Variants in ATOH8 observed in about 807,000 individuals in gnomAD.
The protein encoded by ATOH8 is transcription factor ATOH8.
ATOH8 carries 9 observed loss-of-function variants against 21.2 expected under a neutral mutation model. The observed-to-expected ratio is 0.42, with a 90% CI of 0.26 to 0.74. The LOEUF (loss-of-function observed/expected upper bound fraction) is 0.74, where lower values mean the gene tolerates loss of function less well. Ranked by LOEUF, ATOH8 falls within the 30% of genes least tolerant of loss-of-function variation. The pLI, the probability that ATOH8 is intolerant of heterozygous loss-of-function variation, is 0.24. For synonymous variants in ATOH8, 253 were observed against 224.0 expected (o/e 1.13, Z -1.16); for missense variants, 524 against 470.9 (o/e 1.11, Z -1.04).
Position 85,772,214 on chromosome 2 carries a change from C to T in ATOH8, c.960+8032C>T, listed in dbSNP as rs370317881. On this transcript the variant is annotated intron_variant, in intron 2 of 2. Coordinates refer to ENST00000306279, the MANE Select transcript of ATOH8 (RefSeq NM_032827.7). The stretch of plus-strand genomic sequence containing the variant: ...TTGGGCAGGGAGGTGTCATCAGCTG[C>T]GGGCACCCCCAGCTTTGTGCCGCCG... Among the ~76,000 whole-genome samples the T allele has an allele frequency of 3.3e-5, 5 of 152,230 alleles. No homozygotes were observed. In the East Asian group the frequency reaches 5.8e-4, roughly 18 times the overall value.
intron 2 of ATOH8, among the ~76,000 whole-genome samples, chr2:85,767,580 T>TCCTTCCCTCC (rs1558611972): frequency 5.0e-5 from 4 of 79,216 alleles, no homozygotes; most frequent in African/African-American, 1.6e-4. Context: ...CCCTCCCCTC[T>TCCTTCCCTCC]CCTTCCCTTC....
At chr2:85,764,318 G>A in intron 2 of ATOH8, 136 bp downstream of exon 2, 3 of 1,135,700 alleles carry the variant, frequency 2.6e-6, no homozygotes, top group East Asian at 2.6e-5. Context: ...GCTGGGAGTT[G>A]CCTCAGCTTC....
At chr2:85,759,412 T>C (rs550613012) in intron 1 of ATOH8, among the ~76,000 whole-genome samples, 4 of 152,140 alleles carry the variant, frequency 2.6e-5, no homozygotes, top group African/African-American at 9.7e-5. Flanking sequence ...TACCTGAGCC[T>C]GCTGTGGGAT....
intron 2 of ATOH8, among the ~76,000 whole-genome samples, chr2:85,784,457 G>A (rs565253763): frequency 1.2e-4 from 18 of 152,120 alleles, no homozygotes; most frequent in South Asian, 2.1e-4. Flanking sequence ...CTGGAGGATC[G>A]CTTGAGCCTA....
chr2:85,767,588 T>TGCCCTCCCCTCACTTCC (rs375412492), intron 2 of ATOH8, among the ~76,000 whole-genome samples: 1 of 122,440 alleles, frequency 8.2e-6, no homozygotes, highest in Non-Finnish European at 1.7e-5. Flanking sequence ...TCTCCTTCCC[T>TGCCCTCCCCTCACTTCC]TCCCTTCCAT....
chr2:85,757,053 C>G (rs1178982487), intron 1 of ATOH8, among the ~76,000 whole-genome samples: 3 of 152,088 alleles, frequency 2.0e-5, no homozygotes, highest in African/African-American at 2.4e-5. Context: ...CAGGCAGGTA[C>G]ACACACACAT....
chr2:85,768,258 G>A lies in ATOH8; in HGVS notation c.960+4076G>A, dbSNP rs115942697. Among the ~76,000 whole-genome samples the A allele has an allele frequency of 2.7e-3, 406 of 152,256 alleles. 2 individuals are homozygous for A. Among genetic ancestry groups the A allele is most frequent in the Middle Eastern group, 0.014 (4 of 294 alleles). On this transcript the variant is annotated intron_variant, in intron 2 of 2. Coordinates refer to ENST00000306279, the MANE Select transcript of ATOH8 (RefSeq NM_032827.7). ...CCTACCCCAATGAGCCACGCTTGCC[G>A]CTCCATGTGCTGTGGCTGTGGAAGC...
At chr2:85,758,964 G>T (rs1258831476) in intron 1 of ATOH8, among the ~76,000 whole-genome samples, 2 of 152,234 alleles carry the variant, frequency 1.3e-5, no homozygotes, top group Non-Finnish European at 2.9e-5. Context: ...TGGTGTGCGT[G>T]TGGATTTCCT....
At position 85,754,854 on chromosome 2, in the gene ATOH8, C is replaced by A. The variant is rs1235312710; in HGVS notation, c.665C>A (p.Ser222Tyr). The A allele has an allele frequency of 4.3e-6, 7 of 1,612,466 alleles. No individual in the cohort carries two copies. Among genetic ancestry groups the A allele is most frequent in the Non-Finnish European group, 5.9e-6 (7 of 1,179,908 alleles). ...KRPGEATAAS[S>Y]EIKALQQTRR... is the part of the protein sequence containing the mutation. Reference sequence around the variant, plus strand: ...CCGGGCGAAGCGACTGCCGCCTCCTCCGAGATCAAAGCCCTGCAGCAGACC... The same window carrying A: ...CCGGGCGAAGCGACTGCCGCCTCCTACGAGATCAAAGCCCTGCAGCAGACC... Residue 222 changes from serine (S) to tyrosine (Y), a missense_variant, in exon 1 of 3, where the codon TCC becomes TAC. Coordinates refer to ENST00000306279, the MANE Select transcript of ATOH8 (RefSeq NM_032827.7).
At chr2:85,784,467 A>G (rs1411778937) in intron 2 of ATOH8, among the ~76,000 whole-genome samples, 1 of 152,122 alleles carries the variant, frequency 6.6e-6, no homozygotes, top group Non-Finnish European at 1.5e-5. Flanking sequence ...GCTTGAGCCT[A>G]GAAGGTCAAG....
intron 2 of ATOH8, among the ~76,000 whole-genome samples, chr2:85,768,273 G>C (rs1289679445): frequency 2.0e-5 from 3 of 152,220 alleles, no homozygotes; most frequent in African/African-American, 7.2e-5. Context: ...ATGTGCTGTG[G>C]CTGTGGAAGC....
chr2:85,767,305 G>A (rs62147467), intron 2 of ATOH8, among the ~76,000 whole-genome samples: 45,988 of 151,848 alleles, frequency 0.3, 7,330 homozygotes, highest in East Asian at 0.45. Context: ...ATTGCACGTG[G>A]TTATGAGTTT....
chr2:85,765,525 C>T (rs4832010), intron 2 of ATOH8, among the ~76,000 whole-genome samples: 63,399 of 152,138 alleles, frequency 0.42, 14,140 homozygotes, highest in Non-Finnish European at 0.5. Context: ...GGGCAGCTTT[C>T]CTCTGGAAAG....
chr2:85,772,357 G>C lies in ATOH8; in HGVS notation c.960+8175G>C, dbSNP rs113112759. On this transcript the variant is annotated intron_variant, in intron 2 of 2. Coordinates refer to ENST00000306279, the MANE Select transcript of ATOH8 (RefSeq NM_032827.7). ...GCTGTTCTGCGAGGCGGGCCTGCTG[G>C]TGAGTCCATGGGAGCTCCGCTGGAA... is the stretch of plus-strand genomic sequence containing the variant. 6.1e-3 allele frequency among the ~76,000 whole-genome samples: 927 copies of C among 152,354 alleles called. 10 individuals carry two copies. The highest frequency in any genetic ancestry group is 0.021 in the African/African-American group (869 of 41,582).
At chr2:85,772,962 G>A (rs530279413) in intron 2 of ATOH8, 5 of 383,388 alleles carry the variant, frequency 1.3e-5, no homozygotes, top group African/African-American at 1.1e-4. Context: ...ACTGGGGATG[G>A]TTGAAAGTGA....
Position 85,790,660 on chromosome 2 carries a change from G to A in ATOH8, c.*3770G>A, listed in dbSNP as rs941392140. Among the ~76,000 whole-genome samples, 3 of 152,204 alleles carry A rather than the reference G, an allele frequency of 2.0e-5. No homozygotes were observed. Among genetic ancestry groups the A allele is most frequent in the African/African-American group, 7.2e-5 (3 of 41,440 alleles). Reference sequence around the variant, plus strand: ...AGCTAGTGGAGGCATGAGTAGGCAGGTCCCAGGGGCTGGGAACTGGGTAGC... The same window carrying A: ...AGCTAGTGGAGGCATGAGTAGGCAGATCCCAGGGGCTGGGAACTGGGTAGC... On this transcript the variant is annotated 3_prime_UTR_variant, in exon 3 of 3. Coordinates refer to ENST00000306279, the MANE Select transcript of ATOH8 (RefSeq NM_032827.7).
chr2:85,780,024 G>C (rs910582195), intron 2 of ATOH8, among the ~76,000 whole-genome samples: 2 of 152,216 alleles, frequency 1.3e-5, no homozygotes, highest in African/African-American at 4.8e-5. Flanking sequence ...CGGGAGTTCA[G>C]AGGAGGCACC....
intron 2 of ATOH8, among the ~76,000 whole-genome samples, chr2:85,778,765 C>T (rs191455973): frequency 6.6e-6 from 1 of 152,348 alleles, no homozygotes; most frequent in Non-Finnish European, 1.5e-5. Context: ...GAGCAGTTCC[C>T]AGTCCAGAAG....
At position 85,785,255 on chromosome 2, in the gene ATOH8, AC is replaced by A. The variant is rs1558619189; in HGVS notation, c.961-1626del. On this transcript the variant is annotated intron_variant, in intron 2 of 2. Coordinates refer to ENST00000306279, the MANE Select transcript of ATOH8 (RefSeq NM_032827.7). This position sits in a 1 kb window ranked among gnomAD's most constrained non-coding sequence, Gnocchi z 4.1. ...GCCGGGATGACGCGAGCTGTAAATCACCCCGTGGACCACAGACCCAGTGCCA... is the reference window on the plus strand; with the variant it reads ...GCCGGGATGACGCGAGCTGTAAATCACCCGTGGACCACAGACCCAGTGCCA... Among the ~76,000 whole-genome samples the A allele has an allele frequency of 6.6e-6, 1 of 152,092 alleles. No individual in the cohort carries two copies. The highest frequency in any genetic ancestry group is 1.5e-5 in the Non-Finnish European group (1 of 68,008).
Sources: allele counts gnomAD v4.1 joint callset (sites outside exome capture counted in the v4.1 genomes callset), GRCh38; gene constraint gnomAD v4.1.1; non-coding constraint Gnocchi (gnomAD v3.1); transcripts MANE v1.5; gene names NCBI Gene and HGNC (gene_info 2026-07-23, HGNC 2026-07-21).